Variants in SKP2 observed in about 807,000 individuals in gnomAD.
SKP2 encodes S-phase kinase-associated protein 2.
Under a neutral mutation model 51.8 loss-of-function variants are expected in SKP2, and 16 were observed. That is an observed-to-expected ratio of 0.31 (90% CI 0.21 to 0.47). The LOEUF is 0.47. Ranked by LOEUF, SKP2 falls within the 20% of genes least tolerant of loss-of-function variation. The pLI, the probability that SKP2 is intolerant of heterozygous loss-of-function variation, is 1.00. For missense variants in SKP2, 377 were observed against 505.3 expected, an observed-to-expected ratio of 0.75 and a Z score of 2.43; for synonymous variants, 176 against 198.6, an observed-to-expected ratio of 0.89 and a Z score of 0.96.
downstream of SKP2, among the ~76,000 whole-genome samples, chr5:36,188,786 A>T (rs1745979127): frequency 6.6e-6 from 1 of 152,056 alleles, no homozygotes; most frequent in African/African-American, 2.4e-5. Context: ...TGCCTTTGTA[A>T]GTTGGGGACA....
In SKP2 at chr5:36,177,304, T is replaced by C. The variant is rs568903649; in HGVS notation, c.1061+12T>C. On this transcript the variant is annotated intron_variant, in intron 9 of 9. Coordinates refer to ENST00000274255, the MANE Select transcript of SKP2 (RefSeq NM_005983.4). ...CCTGAAACTTTACTGTAAGTATGTTTTGTTTTTAATGCTTAATAGAAGGCA... is the reference window on the plus strand; with the variant it reads ...CCTGAAACTTTACTGTAAGTATGTTCTGTTTTTAATGCTTAATAGAAGGCA... The C allele has an allele frequency of 7.4e-5, 108 of 1,463,522 alleles. 1 individual carries two copies. In the South Asian group the frequency reaches 1.2e-3, roughly 17 times the overall value. 90.7% of individuals were successfully genotyped at this position (1,463,522 alleles called of 1,614,324 possible). A position where few individuals can be genotyped will look rare whatever the true frequency, so the allele number is the denominator to read the frequency against.
intron 6 of SKP2, among the ~76,000 whole-genome samples, chr5:36,189,948 G>A (rs1192752961): frequency 6.6e-6 from 1 of 152,170 alleles, no homozygotes; most frequent in African/African-American, 2.4e-5. Flanking sequence ...CCTCGCTGCT[G>A]CCTTGCAGTT....
chr5:36,154,617 C>T (rs922509775), intron 2 of SKP2, among the ~76,000 whole-genome samples: 2 of 152,214 alleles, frequency 1.3e-5, no homozygotes, highest in Admixed American at 1.3e-4. Flanking sequence ...TCACTGTCTT[C>T]ACCTGGATTC....
chr5:36,192,301 T>TTATC (rs1274888855), intron 6 of SKP2, among the ~76,000 whole-genome samples: 1 of 152,208 alleles, frequency 6.6e-6, no homozygotes, highest in Non-Finnish European at 1.5e-5. Flanking sequence ...ACATTTACTC[T>TTATC]TATCTCCCCC....
In SKP2 at chr5:36,176,945, T is replaced by C. The variant is rs1413766355; in HGVS notation, c.902-20T>C. On this transcript the variant is annotated intron_variant, in intron 7 of 9. Transcript: ENST00000274255. ...GTTCCTCATTTAATAGTGACCATCATGTTTTTTTGCTTTTCCTAGATCTCT... is the reference window on the plus strand; with the variant it reads ...GTTCCTCATTTAATAGTGACCATCACGTTTTTTTGCTTTTCCTAGATCTCT... The C allele has an allele frequency of 1.3e-6, 2 of 1,532,782 alleles. No individual in the cohort carries two copies. Among genetic ancestry groups the C allele is most frequent in the Middle Eastern group, 1.7e-4 (1 of 5,884 alleles). The allele number at this position is 1,532,782 out of a possible 1,614,324, so 94.9% of individuals were successfully genotyped here.
intron 9 of SKP2, among the ~76,000 whole-genome samples, chr5:36,179,592 A>G (rs1038512640): frequency 6.6e-6 from 1 of 152,162 alleles, no homozygotes; most frequent in Non-Finnish European, 1.5e-5. Context: ...AAACTAATCT[A>G]AGATAAGACT....
chr5:36,156,492 A>G (rs138348641), intron 2 of SKP2, among the ~76,000 whole-genome samples: 40 of 152,304 alleles, frequency 2.6e-4, no homozygotes, highest in African/African-American at 9.1e-4. Context: ...TCATCCGTTT[A>G]TCTGGGAAGA....
chr5:36,193,522 G>C (rs1238505104), intron 7 of SKP2: 5 of 149,602 alleles, frequency 3.3e-5, no homozygotes, highest in Admixed American at 3.3e-4. Context: ...TGTTAGGGGA[G>C]GTTCTATAGT....
At chr5:36,166,725 C>CTTTTTTT (rs3086385) in intron 4 of SKP2, 63 bp downstream of exon 4, 12 of 902,958 alleles carry the variant, frequency 1.3e-5, no homozygotes, top group Non-Finnish European at 1.5e-5. Flanking sequence ...CAGATCAAAG[C>CTTTTTTT]TTTTTTTTTT....
intron 6 of SKP2, among the ~76,000 whole-genome samples, chr5:36,192,007 T>C (rs1746035897): frequency 6.6e-6 from 1 of 152,210 alleles, no homozygotes; most frequent in Non-Finnish European, 1.5e-5. Flanking sequence ...CCAGAATATC[T>C]AAATTGTAAT....
At chr5:36,177,410 T>C (rs1441178017) in intron 9 of SKP2, 118 bp downstream of exon 9, 1 of 748,170 alleles carries the variant, frequency 1.3e-6, no homozygotes, top group Non-Finnish European at 2.4e-6. Flanking sequence ...GTAATAAGTA[T>C]ACCACAGACT....
At chr5:36,166,745 C>CT in intron 4 of SKP2, 83 bp downstream of exon 4, 1 of 1,113,482 alleles carries the variant, frequency 9.0e-7, no homozygotes, top group Non-Finnish European at 1.3e-6. Context: ...TTTTTTCTTT[C>CT]TTCAGCCTTA....
intron 2 of SKP2, among the ~76,000 whole-genome samples, chr5:36,154,881 C>T (rs548631270): frequency 1.2e-3 from 175 of 152,160 alleles, no homozygotes; most frequent in African/African-American, 4.1e-3. Context: ...GGTCAGATTC[C>T]GGATATATTC....
At chr5:36,170,834 T>C (rs1285090668) in intron 6 of SKP2, among the ~76,000 whole-genome samples, 2 of 152,232 alleles carry the variant, frequency 1.3e-5, no homozygotes, top group Non-Finnish European at 2.9e-5. Context: ...ACCGTAAATT[T>C]GGGCAATTCT....
chr5:36,181,886 A>G lies in SKP2; in HGVS notation c.1130A>G (p.Gln377Arg). ...VFGIVPDGTL[Q>R]LLKEALPHLQ... is the part of the protein sequence containing the mutation. The stretch of plus-strand genomic sequence containing the variant: ...GGAATCGTGCCAGATGGTACCCTTC[A>G]ACTGTTAAAGGAAGCCCTTCCTCAT... Residue 377 changes from glutamine (Q) to arginine (R), a missense_variant, in exon 10 of 10, where the codon CAA becomes CGA. Gln to Arg is a conservative substitution (Grantham distance 43). Around this residue, in one of 2 missense-constraint regions of SKP2, gnomAD observed 262 missense variants for 389.8 expected, o/e 0.67. Transcript: ENST00000274255. 6.2e-7 allele frequency: 1 copy of G among 1,614,156 alleles called. No homozygotes were observed. Among genetic ancestry groups the G allele is most frequent in the Non-Finnish European group, 8.5e-7 (1 of 1,180,016 alleles).
chr5:36,186,541 A>G (rs1468605118), downstream of SKP2, among the ~76,000 whole-genome samples: 1 of 152,138 alleles, frequency 6.6e-6, no homozygotes, highest in East Asian at 1.9e-4. Context: ...TATATGCTGG[A>G]TTACATTTAT....
chr5:36,158,538 C>A (rs1745023945), intron 2 of SKP2, among the ~76,000 whole-genome samples: 1 of 152,160 alleles, frequency 6.6e-6, no homozygotes, highest in Admixed American at 6.5e-5. Flanking sequence ...TTTTCTAGGA[C>A]CTTGCTCCTT....
Position 36,182,594 on chromosome 5 carries a change from ATAAG to A in SKP2, c.*567_*570del, listed in dbSNP as rs1745846369. The A allele has an allele frequency of 2.0e-6, 2 of 981,888 alleles. No individual in the cohort carries two copies. Among genetic ancestry groups the A allele is most frequent in the Non-Finnish European group, 2.4e-6 (2 of 826,684 alleles). The allele number at this position is 981,888 out of a possible 1,614,324, so 60.8% of individuals were successfully genotyped here. Reference sequence around the variant, plus strand: ...TAGATTTGAAATTAGGTTAATAGAAATAAGTAACCCCATGTAATTCACCTTAAAA... The same window carrying A: ...TAGATTTGAAATTAGGTTAATAGAAATAACCCCATGTAATTCACCTTAAAA... On this transcript the variant is annotated 3_prime_UTR_variant, in exon 10 of 10. Coordinates refer to ENST00000274255, the MANE Select transcript of SKP2 (RefSeq NM_005983.4).
chr5:36,187,227 C>G (rs1042421102), downstream of SKP2, among the ~76,000 whole-genome samples: 1 of 151,958 alleles, frequency 6.6e-6, no homozygotes, highest in Admixed American at 6.5e-5. Flanking sequence ...TTTTGTGTGT[C>G]TGTCTCCTTC....
Sources: gnomAD v4.1 joint callset for allele counts (sites outside exome capture counted in the v4.1 genomes callset) on GRCh38, gnomAD v4.1.1 for gene constraint, gnomAD v4.1.1 regional missense constraint, MANE v1.5 for transcripts, NCBI Gene and HGNC (gene_info 2026-07-23, HGNC 2026-07-21) for gene names.